Variants in GUCY1A2 observed in about 807,000 individuals in gnomAD.
GUCY1A2 encodes guanylate cyclase soluble subunit alpha-2.
In GUCY1A2, 27 loss-of-function variants were observed where a neutral mutation model predicts 63.5. The ratio of observed to expected loss-of-function variants is 0.43; its 90% CI spans 0.31 to 0.59. GUCY1A2 has a LOEUF of 0.59. Among genes scored for constraint, GUCY1A2 ranks in the 20% least tolerant of loss-of-function variants. GUCY1A2 has a pLI of 0.11. For synonymous variants in GUCY1A2, 364 were observed against 343.5 expected (o/e 1.06, Z -0.66); for missense variants, 768 against 913.3 (o/e 0.84, Z 2.05).
chr11:106,944,525 A>G (rs1236919582), intron 3 of GUCY1A2, among the ~76,000 whole-genome samples: 1 of 152,158 alleles, frequency 6.6e-6, no homozygotes, highest in Non-Finnish European at 1.5e-5. Flanking sequence ...GAAGATCACA[A>G]AAAATAACTG....
intron 5 of GUCY1A2, among the ~76,000 whole-genome samples, chr11:106,807,740 G>A (rs1422392652): frequency 1.3e-5 from 2 of 152,188 alleles, no homozygotes; most frequent in African/African-American, 4.8e-5. Flanking sequence ...AATCCAGGTG[G>A]GTACCATCTA....
chr11:107,002,428 G>A (rs1385555051), intron 1 of GUCY1A2, among the ~76,000 whole-genome samples: 8 of 149,374 alleles, frequency 5.4e-5, no homozygotes, highest in African/African-American at 1.5e-4. Flanking sequence ...TACACAACTC[G>A]CATAAATATA....
chr11:106,963,160 G>C (rs910700806), intron 3 of GUCY1A2, among the ~76,000 whole-genome samples: 2 of 152,072 alleles, frequency 1.3e-5, no homozygotes, highest in South Asian at 4.1e-4. Context: ...ACTGATGACA[G>C]GCCATGAAAA....
At chr11:106,705,133 T>C (rs1370277227) in intron 7 of GUCY1A2, among the ~76,000 whole-genome samples, 1 of 152,066 alleles carries the variant, frequency 6.6e-6, no homozygotes, top group Non-Finnish European at 1.5e-5. Flanking sequence ...TTTGTGATAA[T>C]TAAAAAATAG....
chr11:106,746,892 C>T (rs908433211), intron 6 of GUCY1A2, among the ~76,000 whole-genome samples: 5 of 152,102 alleles, frequency 3.3e-5, no homozygotes, highest in African/African-American at 1.2e-4. Flanking sequence ...TAAAGGCACC[C>T]ACGTGATAAA....
intron 3 of GUCY1A2, among the ~76,000 whole-genome samples, chr11:106,944,897 TGTA>T (rs1052070868): frequency 2.6e-5 from 4 of 152,266 alleles, no homozygotes; most frequent in Admixed American, 1.3e-4. Context: ...GATAGTCCCT[TGTA>T]GTATTTTTTC....
intron 1 of GUCY1A2, among the ~76,000 whole-genome samples, chr11:107,004,041 G>A (rs1373779846): frequency 2.0e-5 from 3 of 152,102 alleles, no homozygotes; most frequent in Admixed American, 1.3e-4. Context: ...TGGGAATGGG[G>A]CATGACTTTG....
Position 106,916,813 on chromosome 11 carries a change from G to T in GUCY1A2, c.1206+22647C>A, listed in dbSNP as rs755324386. 1.2e-4 allele frequency among the ~76,000 whole-genome samples: 18 copies of T among 145,182 alleles called. 4 individuals are homozygous for T. The highest frequency in any genetic ancestry group is 2.3e-4 in the Non-Finnish European group (15 of 64,622). On this transcript the variant is annotated intron_variant, in intron 4 of 7. Coordinates refer to ENST00000526355, the MANE Select transcript of GUCY1A2 (RefSeq NM_000855.3). ...CTGGGCTGAGTCTGCTCTTTCATATGAAAGACAACTTACATAAAATTTATA... is the reference window on the plus strand; with the variant it reads ...CTGGGCTGAGTCTGCTCTTTCATATTAAAGACAACTTACATAAAATTTATA...
chr11:106,759,515 C>T (rs1349734760), intron 6 of GUCY1A2, among the ~76,000 whole-genome samples: 1 of 152,196 alleles, frequency 6.6e-6, no homozygotes, highest in African/African-American at 2.4e-5. Flanking sequence ...CTCAGTATCT[C>T]AGAATTTAAC....
At chr11:106,772,400 C>T (rs1864273719) in intron 6 of GUCY1A2, among the ~76,000 whole-genome samples, 1 of 152,078 alleles carries the variant, frequency 6.6e-6, no homozygotes, top group South Asian at 2.1e-4. Flanking sequence ...ATAAAAGATT[C>T]TCTCAATAAG....
At chr11:106,908,357 T>C (rs897851460) in intron 4 of GUCY1A2, among the ~76,000 whole-genome samples, 1 of 152,004 alleles carries the variant, frequency 6.6e-6, no homozygotes, top group Admixed American at 6.6e-5. Context: ...ATATGAAATT[T>C]ATGTAGAATA....
At chr11:106,976,782 A>G (rs548668468) in intron 3 of GUCY1A2, among the ~76,000 whole-genome samples, 131 of 152,276 alleles carry the variant, frequency 8.6e-4, no homozygotes, top group Non-Finnish European at 1.6e-3. Context: ...CTGTTACATG[A>G]TCACCTTCTA....
intron 4 of GUCY1A2, among the ~76,000 whole-genome samples, chr11:106,864,219 A>ACAG (rs1555042072): frequency 6.6e-6 from 1 of 151,584 alleles, no homozygotes; most frequent in East Asian, 1.9e-4. Context: ...TATAATAATA[A>ACAG]TAAGAAGAAG....
intron 2 of GUCY1A2, among the ~76,000 whole-genome samples, chr11:106,980,827 G>A (rs549819207): frequency 7.2e-4 from 110 of 151,960 alleles, no homozygotes; most frequent in Non-Finnish European, 1.2e-3. Context: ...CCAGAATGCA[G>A]GAGTCACTCA....
chr11:106,996,332 A>C (rs1438565688), intron 1 of GUCY1A2, among the ~76,000 whole-genome samples: 1 of 152,196 alleles, frequency 6.6e-6, no homozygotes, highest in Non-Finnish European at 1.5e-5. Context: ...AGTGAGAAAG[A>C]TTATCCCTAA....
intron 1 of GUCY1A2, among the ~76,000 whole-genome samples, chr11:107,017,540 C>CT (rs1333324146): frequency 6.6e-6 from 1 of 152,226 alleles, no homozygotes; most frequent in African/African-American, 2.4e-5. Context: ...GGAGTGGAAT[C>CT]TTATTCCTTC....
At chr11:106,776,956 G>A (rs1426090971) in intron 5 of GUCY1A2, among the ~76,000 whole-genome samples, 1 of 152,090 alleles carries the variant, frequency 6.6e-6, no homozygotes, top group Non-Finnish European at 1.5e-5. Context: ...CCTTTGGAAA[G>A]CATTTTTTTC....
chr11:106,960,621 G>A (rs539992588), intron 3 of GUCY1A2, among the ~76,000 whole-genome samples: 2 of 152,172 alleles, frequency 1.3e-5, no homozygotes, highest in East Asian at 3.9e-4. Context: ...AATTCAAGAG[G>A]GCTCATTAAT....
At chr11:106,853,502 G>T (rs1003984307) in intron 4 of GUCY1A2, among the ~76,000 whole-genome samples, 1 of 151,410 alleles carries the variant, frequency 6.6e-6, no homozygotes, top group Non-Finnish European at 1.5e-5. Context: ...ATTTCTGTTT[G>T]GTTCTTTCTT....
Sources: gnomAD v4.1 joint callset for allele counts (sites outside exome capture counted in the v4.1 genomes callset) on GRCh38, gnomAD v4.1.1 for gene constraint, MANE v1.5 for transcripts, NCBI Gene and HGNC (gene_info 2026-07-23, HGNC 2026-07-21) for gene names.